Variants in VCAM1 observed in about 807,000 individuals in gnomAD.
The protein encoded by VCAM1 is vascular cell adhesion molecule 1, also known as vascular cell adhesion protein 1.
A neutral mutation model predicts 63.8 loss-of-function variants in VCAM1; 41 were observed. The ratio of observed to expected loss-of-function variants is 0.64; its 90% CI spans 0.50 to 0.83. VCAM1 has a LOEUF of 0.83. Among genes scored for constraint, VCAM1 ranks in the 40% least tolerant of loss-of-function variants. The pLI is 0.00. For synonymous variants in VCAM1, 338 were observed against 320.7 expected (o/e 1.05, Z -0.58); for missense variants, 798 against 875.5 (o/e 0.91, Z 1.12).
chr1:100,733,688 G>A (rs946589153), intron 7 of VCAM1, among the ~76,000 whole-genome samples: 1 of 152,110 alleles, frequency 6.6e-6, no homozygotes, highest in Non-Finnish European at 1.5e-5. Flanking sequence ...CTCAGTGCTT[G>A]GAACTTAATA....
chr1:100,738,237 T>G lies in VCAM1; in HGVS notation c.2174T>G (p.Met725Arg). Residue 725 changes from methionine (M) to arginine (R), a missense_variant, in exon 9 of 9, where the codon ATG (methionine) becomes AGG (arginine). Physicochemically the swap from Met to Arg is moderately conservative, Grantham distance 91. Transcript: ENST00000294728. ...MIIYFARKAN[M>R]KGSYSLVEAQ... ...ATTTACTTTGCAAGAAAAGCCAACA[T>G]GAAGGGGTCATATAGTCTTGTAGAA... The G allele has an allele frequency of 2.5e-6, 4 of 1,613,760 alleles. No homozygotes were observed. The highest frequency in any genetic ancestry group is 3.4e-6 in the Non-Finnish European group (4 of 1,179,748).
At chr1:100,719,984 GCTT>G (rs1002803049) in intron 1 of VCAM1, 60 bp downstream of exon 1, 176 of 1,576,646 alleles carry the variant, frequency 1.1e-4, no homozygotes, top group Non-Finnish European at 1.4e-4. Flanking sequence ...CCTGGTTTTG[GCTT>G]CAGTCAGTTT....
chr1:100,726,671 C>A (rs971180838), intron 4 of VCAM1, among the ~76,000 whole-genome samples: 1 of 151,996 alleles, frequency 6.6e-6, no homozygotes, highest in African/African-American at 2.4e-5. Context: ...TTCAGTTCAA[C>A]AAATATTAAG....
intron 5 of VCAM1, among the ~76,000 whole-genome samples, chr1:100,730,037 C>T (rs367996226): frequency 1.3e-5 from 2 of 152,060 alleles, no homozygotes; most frequent in East Asian, 3.9e-4. Context: ...GCTGGAGTTC[C>T]TCAGTCCATA....
At chr1:100,726,686 C>T (rs545826719) in intron 4 of VCAM1, among the ~76,000 whole-genome samples, 2 of 152,122 alleles carry the variant, frequency 1.3e-5, no homozygotes, top group East Asian at 3.9e-4. Flanking sequence ...ATTAAGAGCC[C>T]TTGTCCAAGA....
In VCAM1 at chr1:100,738,515, A is replaced by G. The variant is rs1414926062; in HGVS notation, c.*232A>G. 2.3e-5 allele frequency: 9 copies of G among 398,220 alleles called. No individual in the cohort carries two copies. The highest frequency in any genetic ancestry group is 4.5e-6 in the Non-Finnish European group (1 of 220,440). The allele number at this position is 398,220 out of a possible 1,614,324, so 24.7% of individuals were successfully genotyped here. ...ATGAGAGAACTGGAGGAGTTCCTTG[A>G]TCTGTATATACAATAACATAATTTG... On this transcript the variant is annotated 3_prime_UTR_variant, in exon 9 of 9. Coordinates refer to ENST00000294728, the MANE Select transcript of VCAM1 (RefSeq NM_001078.4).
At chr1:100,722,914 T>A in intron 2 of VCAM1, 106 bp from the exon 3 acceptor site, 1 of 1,251,164 alleles carries the variant, frequency 8.0e-7, no homozygotes, top group Non-Finnish European at 1.1e-6. Context: ...GTATTAAGAC[T>A]GTATTAACAA....
At position 100,731,442 on chromosome 1, in the gene VCAM1, T is replaced by G; in HGVS notation, c.1449T>G (p.Cys483Trp). ...TIEDTGKALV[C>W]QAKLHIDDME... ...AAGATACTGGAAAAGCTCTTGTTTG[T>G]CAGGCTAAGTTACATATTGATGACA... Residue 483 changes from cysteine (C) to tryptophan (W), a missense_variant, in exon 6 of 9, where the codon TGT becomes TGG. Physicochemically the swap from Cys to Trp is radical, Grantham distance 215. Coordinates refer to ENST00000294728, the MANE Select transcript of VCAM1 (RefSeq NM_001078.4). This position sits in a 1 kb window ranked among gnomAD's most constrained non-coding sequence, Gnocchi z 4.2. 1 of 1,613,766 alleles carries G rather than the reference T, an allele frequency of 6.2e-7. No homozygotes were observed. The highest frequency in any genetic ancestry group is 8.5e-7 in the Non-Finnish European group (1 of 1,179,836).
intron 1 of VCAM1, among the ~76,000 whole-genome samples, 160 bp from the exon 2 acceptor site, chr1:100,720,316 G>C (rs1461649364): frequency 6.6e-6 from 1 of 152,062 alleles, no homozygotes; most frequent in Non-Finnish European, 1.5e-5. Flanking sequence ...AAACTTTTTT[G>C]GCAGTGACTT....
In VCAM1 at chr1:100,731,745, G is replaced by A. The variant is rs982615665; in HGVS notation, c.1525+227G>A. ...GAGTAGGCAATTTAGGAAGGGACCAGCTAGGCAGTTATTCTGTTCAATATG... is the reference window on the plus strand; with the variant it reads ...GAGTAGGCAATTTAGGAAGGGACCAACTAGGCAGTTATTCTGTTCAATATG... On this transcript the variant is annotated intron_variant, in intron 6 of 8. Coordinates refer to ENST00000294728, the MANE Select transcript of VCAM1 (RefSeq NM_001078.4). This position sits in a 1 kb window ranked among gnomAD's most constrained non-coding sequence, Gnocchi z 4.2. 2.3e-4 allele frequency among the ~76,000 whole-genome samples: 35 copies of A among 152,288 alleles called. No individual in the cohort carries two copies. Among genetic ancestry groups the A allele is most frequent in the African/African-American group, 8.4e-4 (35 of 41,566 alleles).
intron 6 of VCAM1, among the ~76,000 whole-genome samples, chr1:100,732,111 T>C (rs1660483280): frequency 6.6e-6 from 1 of 152,090 alleles, no homozygotes; most frequent in African/African-American, 2.4e-5. Flanking sequence ...ATTCAAATAA[T>C]TCACAGTCAT....
At position 100,738,340 on chromosome 1, in the gene VCAM1, T is replaced by G; in HGVS notation, c.*57T>G. On this transcript the variant is annotated 3_prime_UTR_variant, in exon 9 of 9. Transcript: ENST00000294728. ...ATTTATCTGTGCAAATCCTTGATAC[T>G]GCTCATCATTCCTTGAGAAAAACAA... is the stretch of plus-strand genomic sequence containing the variant. 6.5e-7 allele frequency: 1 copy of G among 1,528,896 alleles called. No individual in the cohort carries two copies. Among genetic ancestry groups the G allele is most frequent in the Non-Finnish European group, 8.9e-7 (1 of 1,129,612 alleles). The allele number at this position is 1,528,896 out of a possible 1,614,324, so 94.7% of individuals were successfully genotyped here. A position where few individuals can be genotyped will look rare whatever the true frequency, so the allele number is the denominator to read the frequency against.
At chr1:100,725,569 G>A (rs1018270915) in intron 4 of VCAM1, among the ~76,000 whole-genome samples, 1 of 151,848 alleles carries the variant, frequency 6.6e-6, no homozygotes, top group Admixed American at 6.6e-5. Flanking sequence ...TATTTCCCAG[G>A]AATTCTGTAT....
At position 100,728,431 on chromosome 1, in the gene VCAM1, T is replaced by G. The variant is rs573367782; in HGVS notation, c.929-676T>G. Among the ~76,000 whole-genome samples the G allele has an allele frequency of 9.2e-5, 14 of 152,130 alleles. No homozygotes were observed. In the South Asian group the frequency reaches 2.7e-3, roughly 29 times the overall value. On this transcript the variant is annotated intron_variant, in intron 4 of 8. Transcript: ENST00000294728. ...TAATTAGAAGACATTTTTTGTAGCTTTTTCCAGTACCTCTTTTAGACCATT... is the reference window on the plus strand; with the variant it reads ...TAATTAGAAGACATTTTTTGTAGCTGTTTCCAGTACCTCTTTTAGACCATT...
intron 3 of VCAM1, 26 bp downstream of exon 3, chr1:100,723,366 G>C: frequency 6.3e-7 from 1 of 1,596,782 alleles, no homozygotes; most frequent in Non-Finnish European, 8.6e-7. Context: ...ATGTGTTCCA[G>C]TCTTTGTGGG....
chr1:100,736,574 T>C (rs1040367832), intron 8 of VCAM1: 1 of 152,146 alleles, frequency 6.6e-6, no homozygotes, highest in African/African-American at 2.4e-5. Flanking sequence ...AGGCAAAAGA[T>C]AATGTATATT....
At chr1:100,735,067 G>A (rs1660601815) in intron 8 of VCAM1, 1 of 286,056 alleles carries the variant, frequency 3.5e-6, no homozygotes, top group Non-Finnish European at 6.5e-6. Context: ...TTTCCCGGGA[G>A]GTTATAAGGA....
chr1:100,721,051 A>G (rs1432499163), intron 2 of VCAM1, among the ~76,000 whole-genome samples: 1 of 152,056 alleles, frequency 6.6e-6, no homozygotes, highest in Non-Finnish European at 1.5e-5. Flanking sequence ...TTTTTGTTTT[A>G]TTAAAAAATA....
rs1451375298 is a variant in VCAM1 at position 100,723,089 on chromosome 1, G to A, written c.410G>A (p.Cys137Tyr). Residue 137 changes from cysteine (C) to tyrosine (Y), a missense_variant, in exon 3 of 9, where the codon TGT becomes TAT. Physicochemically the swap from Cys to Tyr is radical, Grantham distance 194 (BLOSUM62 -2). Coordinates refer to ENST00000294728, the MANE Select transcript of VCAM1 (RefSeq NM_001078.4). ...GCTGGGAAGCCGATCACAGTCAAGT[G>A]TTCAGTTGCTGATGTATACCCATTT... The part of the protein sequence containing the change: ...LEAGKPITVK[C>Y]SVADVYPFDR... 1 of 1,613,000 alleles carries A rather than the reference G, an allele frequency of 6.2e-7. No individual in the cohort carries two copies. The highest frequency in any genetic ancestry group is 8.5e-7 in the Non-Finnish European group (1 of 1,179,416).
Sources: gnomAD v4.1 joint callset for allele counts (sites outside exome capture counted in the v4.1 genomes callset) on GRCh38, gnomAD v4.1.1 for gene constraint, Gnocchi (gnomAD v3.1) non-coding constraint, MANE v1.5 for transcripts, NCBI Gene and HGNC (gene_info 2026-07-23, HGNC 2026-07-21) for gene names.